Variants in SYK observed in about 807,000 individuals in gnomAD.
SYK encodes the protein tyrosine-protein kinase SYK.
A neutral mutation model predicts 77.8 loss-of-function variants in SYK; 16 were observed. The ratio of observed to expected loss-of-function variants is 0.21; its 90% CI spans 0.14 to 0.31. The LOEUF is 0.31. Ranked by LOEUF, SYK falls within the 10% of genes least tolerant of loss-of-function variation. The pLI, the probability that SYK is intolerant of heterozygous loss-of-function variation, is 1.00. For synonymous variants in SYK, 312 were observed against 308.7 expected, an observed-to-expected ratio of 1.01 and a Z score of -0.11; for missense variants, 529 against 814.4, an observed-to-expected ratio of 0.65 and a Z score of 4.26.
intron 11 of SYK, among the ~76,000 whole-genome samples, chr9:90,883,975 A>G (rs1828262184): frequency 6.6e-6 from 1 of 152,062 alleles, no homozygotes; most frequent in Admixed American, 6.5e-5. Flanking sequence ...TGGCCCACCT[A>G]GCATCCTATT....
Position 90,867,292 on chromosome 9 carries a change from GC to G in SYK, c.915+99del, listed in dbSNP as rs1272854282. 10 of 1,282,022 alleles carry G rather than the reference GC, an allele frequency of 7.8e-6. No homozygotes were observed. In the East Asian group the frequency reaches 1.9e-4, roughly 24 times the overall value. 79.4% of individuals were successfully genotyped at this position (1,282,022 alleles called of 1,614,324 possible). A position where few individuals can be genotyped will look rare whatever the true frequency, so the allele number is the denominator to read the frequency against. On this transcript the variant is annotated intron_variant, in intron 7 of 13. Transcript: ENST00000375754. ...GCCCAGTCTGCCCTGTGTGTGCGCT[GC>G]CCCCCATCTCTTGCCACTCTGCTTC...
At chr9:90,879,534 C>G (rs1341980077) in intron 11 of SYK, among the ~76,000 whole-genome samples, 1 of 152,186 alleles carries the variant, frequency 6.6e-6, no homozygotes, top group African/African-American at 2.4e-5. Flanking sequence ...TAATGAACAC[C>G]TACCTATACA....
At chr9:90,837,507 C>T (rs1352959669) in intron 1 of SYK, among the ~76,000 whole-genome samples, 1 of 151,960 alleles carries the variant, frequency 6.6e-6, no homozygotes, top group African/African-American at 2.4e-5. Context: ...GGAGAGGCCT[C>T]AACCTGGAGG....
intron 1 of SYK, among the ~76,000 whole-genome samples, chr9:90,802,241 A>T (rs918618934): frequency 1.3e-5 from 2 of 152,160 alleles, no homozygotes; most frequent in African/African-American, 4.8e-5. Flanking sequence ...CGGGATTGGG[A>T]TCAGGCACAG....
At chr9:90,845,845 A>T (rs1029177006) in intron 3 of SYK, among the ~76,000 whole-genome samples, 2 of 152,250 alleles carry the variant, frequency 1.3e-5, no homozygotes, top group African/African-American at 4.8e-5. Context: ...TGTAATATTT[A>T]AAGAAAATGT....
In SYK at chr9:90,844,043, G is replaced by A. The variant is rs2118631757; in HGVS notation, c.145G>A (p.Gly49Ser). Residue 49 changes from glycine (G) to serine (S), a missense_variant, in exon 2 of 14, where the codon GGT (glycine) becomes AGT (serine). Gly to Ser is a moderately conservative substitution (Grantham distance 56). This residue lies in a region of SYK where 321 missense variants were observed against 433.1 expected (regional missense o/e 0.74). Transcript: ENST00000375754. ...GCTGCGCCAGAGCCGCAACTACCTGGGTGGCTTCGCCCTGTCCGTGGCCCA... is the reference window on the plus strand; with the variant it reads ...GCTGCGCCAGAGCCGCAACTACCTGAGTGGCTTCGCCCTGTCCGTGGCCCA... Reference protein sequence around the residue: ...YLLRQSRNYLGGFALSVAHGR... With the variant: ...YLLRQSRNYLSGFALSVAHGR... 1 of 1,612,778 alleles carries A rather than the reference G, an allele frequency of 6.2e-7. No individual in the cohort carries two copies. Among genetic ancestry groups the A allele is most frequent in the South Asian group, 1.1e-5 (1 of 90,812 alleles).
At chr9:90,865,498 G>A (rs547850807) in intron 6 of SYK, among the ~76,000 whole-genome samples, 7 of 151,992 alleles carry the variant, frequency 4.6e-5, no homozygotes, top group African/African-American at 7.2e-5. Context: ...TAGTAGAGAC[G>A]AGGTTTTGCC....
chr9:90,874,430 T>A, intron 8 of SYK, 139 bp downstream of exon 8: 3 of 955,050 alleles, frequency 3.1e-6, no homozygotes, highest in Non-Finnish European at 4.9e-6. Flanking sequence ...CACTCACATC[T>A]AGTGGCAGGC....
intron 1 of SYK, among the ~76,000 whole-genome samples, chr9:90,839,814 C>T (rs970858536): frequency 6.6e-6 from 1 of 152,096 alleles, no homozygotes; most frequent in African/African-American, 2.4e-5. Context: ...TGAGCTGGGT[C>T]TGTAAGGATG....
intron 11 of SYK, 137 bp downstream of exon 11, chr9:90,879,090 C>T: frequency 1.7e-6 from 1 of 581,280 alleles, no homozygotes; most frequent in East Asian, 2.8e-5. Context: ...AAGATATGTT[C>T]TTATAATCTT....
At chr9:90,856,393 A>G (rs1827038313) in intron 3 of SYK, among the ~76,000 whole-genome samples, 1 of 152,304 alleles carries the variant, frequency 6.6e-6, no homozygotes, top group African/African-American at 2.4e-5. Flanking sequence ...AGAGACTCCT[A>G]TTAAATACAG....
chr9:90,887,944 C>T (rs534899156), intron 12 of SYK, 55 bp downstream of exon 12: 1 of 1,478,738 alleles, frequency 6.8e-7, no homozygotes, highest in East Asian at 2.5e-5. Flanking sequence ...CAGATAAGCA[C>T]CAGATTGTCT....
chr9:90,888,475 T>TAA, intron 12 of SYK, 40 bp from the exon 13 acceptor site: 3 of 1,472,770 alleles, frequency 2.0e-6, no homozygotes, highest in Admixed American at 2.4e-5. Flanking sequence ...ACTAACACCT[T>TAA]TAAAAAAAAA....
chr9:90,858,401 T>A (rs535578580), intron 3 of SYK, among the ~76,000 whole-genome samples: 248 of 152,388 alleles, frequency 1.6e-3, no homozygotes, highest in Non-Finnish European at 2.7e-3. Context: ...TCTGTTAACT[T>A]ACTCCTCCCA....
intron 11 of SYK, among the ~76,000 whole-genome samples, chr9:90,886,124 T>C (rs1828565480): frequency 6.6e-6 from 1 of 152,094 alleles, no homozygotes; most frequent in Middle Eastern, 3.2e-3. Context: ...AACATACAAA[T>C]AATCCTGTTA....
chr9:90,815,901 A>T (rs1011086536), intron 1 of SYK, among the ~76,000 whole-genome samples: 1 of 152,208 alleles, frequency 6.6e-6, no homozygotes, highest in African/African-American at 2.4e-5. Context: ...ATAATTCTAG[A>T]GCAACTGCTT....
chr9:90,875,247 AT>A, intron 9 of SYK, among the ~76,000 whole-genome samples: 1 of 151,636 alleles, frequency 6.6e-6, no homozygotes, highest in African/African-American at 2.4e-5. Flanking sequence ...AAAAAAATAA[AT>A]AAATAAATAA....
At chr9:90,817,632 A>G (rs1030427829) in intron 1 of SYK, among the ~76,000 whole-genome samples, 1 of 151,798 alleles carries the variant, frequency 6.6e-6, no homozygotes, top group South Asian at 2.1e-4. Flanking sequence ...CTTTGATTCC[A>G]TATCTGTGTG....
chr9:90,835,460 A>G (rs968451487), intron 1 of SYK, among the ~76,000 whole-genome samples: 5 of 152,194 alleles, frequency 3.3e-5, no homozygotes, highest in Non-Finnish European at 7.3e-5. Context: ...AGAGGTCTTG[A>G]AATAATGTCA....
Sources: gnomAD v4.1 joint callset for allele counts (sites outside exome capture counted in the v4.1 genomes callset) on GRCh38, gnomAD v4.1.1 for gene constraint, gnomAD v4.1.1 regional missense constraint, MANE v1.5 for transcripts, NCBI Gene and HGNC (gene_info 2026-07-23, HGNC 2026-07-21) for gene names.